The following MORN1 variants were observed in gnomAD, a reference collection of about 807,000 sequenced individuals.
MORN1 encodes the protein MORN repeat-containing protein 1.
A neutral mutation model predicts 61.9 loss-of-function variants in MORN1; 67 were observed. The ratio of observed to expected loss-of-function variants is 1.08; its 90% CI spans 0.89 to 1.33. The LOEUF is 1.33. Among genes scored for constraint, MORN1 ranks in the 40% most tolerant of loss-of-function variants. MORN1 has a pLI of 0.00. For synonymous variants in MORN1, 301 were observed against 292.0 expected, an observed-to-expected ratio of 1.03 and a Z score of -0.31; for missense variants, 752 against 691.2, an observed-to-expected ratio of 1.09 and a Z score of -0.99.
chr1:2,384,936 C>A lies in MORN1; in HGVS notation c.537+42G>T, dbSNP rs1422475748. ...CCCACGCGCCCTGCCCACCACGAGG[C>A]CTGTACCCTCTGGGCAGCAGGTGCC... On this transcript the variant is annotated intron_variant, in intron 6 of 13. Transcript: ENST00000378531. 5.3e-6 allele frequency: 8 copies of A among 1,508,430 alleles called. No individual in the cohort carries two copies. The African/African-American group carries it at 1.1e-4, about 21-fold the overall frequency. 93.4% of individuals were successfully genotyped at this position (1,508,430 alleles called of 1,614,324 possible). A position where few individuals can be genotyped will look rare whatever the true frequency, so the allele number is the denominator to read the frequency against.
rs138454629 is a variant in MORN1 at position 2,358,654 on chromosome 1, G to T, written c.807C>A (p.Tyr269Ter). 1.4e-5 allele frequency: 23 copies of T among 1,614,088 alleles called. No homozygotes were observed. The highest frequency in any genetic ancestry group is 1.9e-5 in the Non-Finnish European group (22 of 1,180,018). ...CCACTTTGAAAAAGTTGACCTCAGAGTAGGCTGACAGCTGCACGTATCTGA... is the reference window on the plus strand; with the variant it reads ...CCACTTTGAAAAAGTTGACCTCAGATTAGGCTGACAGCTGCACGTATCTGA... ...AGVRYVQLSAYSEVNFFKVDR... is the reference protein window; with the variant it reads ...AGVRYVQLSA The change falls in exon 9 of 14, where the codon TAC (tyrosine) becomes TAA (stop). Residue 269 changes from tyrosine to a stop codon, truncating the protein, a stop_gained. Coordinates refer to ENST00000378531, the MANE Select transcript of MORN1 (RefSeq NM_024848.3). LOFTEE classifies it high-confidence loss of function.
chr1:2,357,601 G>A lies in MORN1; in HGVS notation c.870-3C>T, dbSNP rs2100304346. 2 of 1,584,108 alleles carry A rather than the reference G, an allele frequency of 1.3e-6. No homozygotes were observed. The highest frequency in any genetic ancestry group is 1.3e-5 in the African/African-American group (1 of 74,286). On this transcript the variant is annotated splice_region_variant and splice_polypyrimidine_tract_variant and intron_variant, in intron 9 of 13. Coordinates refer to ENST00000378531, the MANE Select transcript of MORN1 (RefSeq NM_024848.3). The surrounding 1 kb of genome is among the most constrained non-coding windows in gnomAD (Gnocchi z 6.3). ...GATAAGGGATGCATTCGAACCCACT[G>A]CAAAGGAATGGGGGCAGCTTGGCTC...
intron 8 of MORN1, chr1:2,363,242 C>T (rs552435900): frequency 1.3e-5 from 2 of 152,240 alleles, no homozygotes; most frequent in Admixed American, 6.5e-5. Context: ...TAGTATATTA[C>T]ATCTCTTGAA....
At chr1:2,340,488 G>A (rs556117535) in intron 10 of MORN1, among the ~76,000 whole-genome samples, 6 of 152,214 alleles carry the variant, frequency 3.9e-5, no homozygotes, top group South Asian at 4.1e-4. Context: ...CAAACTTCTC[G>A]GATCCTCCTT....
Position 2,372,432 on chromosome 1 carries a change from C to T in MORN1, c.745+49G>A, listed in dbSNP as rs767029300. The T allele has an allele frequency of 7.0e-7, 1 of 1,433,766 alleles. No homozygotes were observed. The highest frequency in any genetic ancestry group is 1.2e-5 in the South Asian group (1 of 83,966). The allele number at this position is 1,433,766 out of a possible 1,614,324, so 88.8% of individuals were successfully genotyped here. On this transcript the variant is annotated intron_variant, in intron 8 of 13. Transcript: ENST00000378531. The surrounding 1 kb of genome is among the most constrained non-coding windows in gnomAD (Gnocchi z 5.4). Reference sequence around the variant, plus strand: ...TCTTCACTGCTTAAGAACCTGCTGCCTGTTTCTCTTTTGGAAACGTTAGGT... The same window carrying T: ...TCTTCACTGCTTAAGAACCTGCTGCTTGTTTCTCTTTTGGAAACGTTAGGT...
Position 2,372,592 on chromosome 1 carries a change from C to G in MORN1, c.635-1G>C, listed in dbSNP as rs761238044. 1 of 1,612,200 alleles carries G rather than the reference C, an allele frequency of 6.2e-7. No individual in the cohort carries two copies. The highest frequency in any genetic ancestry group is 8.5e-7 in the Non-Finnish European group (1 of 1,179,014). ...AAGATCACGATCCTCGTAGCTTGTTCTGGGAGAGGACAGAGTGTGGCTTTA... is the reference window on the plus strand; with the variant it reads ...AAGATCACGATCCTCGTAGCTTGTTGTGGGAGAGGACAGAGTGTGGCTTTA... On this transcript the variant is annotated splice_acceptor_variant, in intron 7 of 13. Transcript: ENST00000378531. LOFTEE classifies it high-confidence loss of function. This position sits in a 1 kb window ranked among gnomAD's most constrained non-coding sequence, Gnocchi z 5.4.
intron 8 of MORN1, among the ~76,000 whole-genome samples, chr1:2,361,781 C>T (rs538622487): frequency 3.3e-5 from 5 of 152,230 alleles, no homozygotes; most frequent in South Asian, 4.2e-4. Context: ...ATGTCAATTC[C>T]GACTCCCCAC....
chr1:2,385,338 G>C, intron 5 of MORN1: 1 of 528,358 alleles, frequency 1.9e-6, no homozygotes, highest in East Asian at 3.3e-5. Flanking sequence ...TGACCCAGGA[G>C]AGGCAACGGG....
intron 6 of MORN1, among the ~76,000 whole-genome samples, chr1:2,380,526 G>T (rs77320552): frequency 1.3e-4 from 20 of 152,266 alleles, no homozygotes; most frequent in Non-Finnish European, 2.5e-4. Flanking sequence ...ATTTTACCAT[G>T]ACAAAATGGT....
intron 6 of MORN1, among the ~76,000 whole-genome samples, chr1:2,380,674 A>G (rs945389960): frequency 2.6e-5 from 4 of 151,912 alleles, no homozygotes; most frequent in African/African-American, 9.7e-5. Flanking sequence ...CCTCCTGAGG[A>G]GCTGGGGCCA....
chr1:2,328,960 G>A (rs993018074), intron 12 of MORN1, among the ~76,000 whole-genome samples: 1 of 152,228 alleles, frequency 6.6e-6, no homozygotes, highest in African/African-American at 2.4e-5. Flanking sequence ...GGGAGATGAC[G>A]GTGGTTTTGT....
At chr1:2,325,255 CTCTCTCTCTCT>C (rs1358570205) in intron 12 of MORN1, among the ~76,000 whole-genome samples, 1 of 117,578 alleles carries the variant, frequency 8.5e-6, no homozygotes, top group East Asian at 2.9e-4. Context: ...TCTCTCTCTC[CTCTCTCTCTCT>C]GCCTCTCTTT....
rs189790097 is a variant in MORN1 at position 2,335,497 on chromosome 1, C to T, written c.1250+972G>A. Among the ~76,000 whole-genome samples the T allele has an allele frequency of 2.6e-3, 400 of 152,280 alleles. 1 individual carries two copies. Among genetic ancestry groups the T allele is most frequent in the African/African-American group, 9.0e-3 (372 of 41,548 alleles). ...TGCCCCTGAAGCCCTTCTAGGGCGG[C>T]GACAGGGGTCTGGTTCTCCACCCAC... On this transcript the variant is annotated intron_variant, in intron 12 of 13. Transcript: ENST00000378531.
chr1:2,333,016 T>C (rs1345499909), intron 12 of MORN1, among the ~76,000 whole-genome samples: 1 of 152,182 alleles, frequency 6.6e-6, no homozygotes, highest in Non-Finnish European at 1.5e-5. Context: ...CCAAGGGGCT[T>C]GCTCTGGAAC....
At chr1:2,369,363 A>C (rs1038712057) in intron 8 of MORN1, among the ~76,000 whole-genome samples, 1 of 151,540 alleles carries the variant, frequency 6.6e-6, no homozygotes, top group East Asian at 1.9e-4. Flanking sequence ...CAGAAAAAAA[A>C]AAAAAAAAAA....
chr1:2,332,326 G>A (rs568113527), intron 12 of MORN1: 10 of 309,020 alleles, frequency 3.2e-5, no homozygotes, highest in African/African-American at 1.1e-4. Flanking sequence ...CTAGAGCCCC[G>A]GTCTCAGCAC....
chr1:2,361,351 G>C (rs1391439565), intron 8 of MORN1, among the ~76,000 whole-genome samples: 2 of 152,136 alleles, frequency 1.3e-5, no homozygotes, highest in Non-Finnish European at 2.9e-5. Context: ...GAGGTCAGGA[G>C]TTTGAGACCA....
At chr1:2,342,615 TC>T (rs1285848974) in intron 10 of MORN1, among the ~76,000 whole-genome samples, 3 of 151,992 alleles carry the variant, frequency 2.0e-5, no homozygotes, top group East Asian at 1.9e-4. Flanking sequence ...TCCCCTGCTG[TC>T]CCCAGCCCCG....
chr1:2,331,813 C>T (rs1031771079), intron 12 of MORN1, among the ~76,000 whole-genome samples: 1 of 152,016 alleles, frequency 6.6e-6, no homozygotes, highest in Admixed American at 6.5e-5. Flanking sequence ...GCGGCTGCGC[C>T]TCTCCCGCCG....
Sources: gnomAD v4.1 joint callset for allele counts (sites outside exome capture counted in the v4.1 genomes callset) on GRCh38, gnomAD v4.1.1 for gene constraint, Gnocchi (gnomAD v3.1) non-coding constraint, MANE v1.5 for transcripts, NCBI Gene and HGNC (gene_info 2026-07-23, HGNC 2026-07-21) for gene names.